Variants in CDON observed in about 807,000 individuals in gnomAD.
The protein encoded by CDON is cell adhesion molecule-related/down-regulated by oncogenes.
CDON carries 73 observed loss-of-function variants against 120.9 expected under a neutral mutation model. That is an observed-to-expected ratio of 0.60 (90% confidence interval 0.50 to 0.73). CDON has a LOEUF of 0.73. Among genes scored for constraint, CDON ranks in the 30% least tolerant of loss-of-function variants. The pLI is 0.00. For synonymous variants in CDON, 566 were observed against 573.5 expected (o/e 0.99, Z 0.19); for missense variants, 1,470 against 1,587.3 (o/e 0.93, Z 1.26).
intron 17 of CDON, among the ~76,000 whole-genome samples, chr11:125,979,936 C>T (rs1187532273): frequency 6.6e-6 from 1 of 152,100 alleles, no homozygotes; most frequent in Non-Finnish European, 1.5e-5. Flanking sequence ...AAAAGCTATT[C>T]AATTTCTAGC....
At chr11:126,007,936 T>C (rs1453384470) in intron 8 of CDON, among the ~76,000 whole-genome samples, 1 of 152,328 alleles carries the variant, frequency 6.6e-6, no homozygotes, top group East Asian at 1.9e-4. Context: ...TAGCATCTTT[T>C]AAGGTAGAAT....
chr11:125,988,188 T>C (rs892365165), intron 15 of CDON, among the ~76,000 whole-genome samples: 1 of 152,088 alleles, frequency 6.6e-6, no homozygotes, highest in African/African-American at 2.4e-5. Context: ...GAATTGTGGC[T>C]AATGAGACTG....
chr11:125,996,274 T>C (rs897704948), intron 12 of CDON, among the ~76,000 whole-genome samples: 2 of 151,472 alleles, frequency 1.3e-5, no homozygotes, highest in South Asian at 2.1e-4. Flanking sequence ...AAATAAAGAA[T>C]AGGTAAGTGG....
At chr11:126,048,076 A>G (rs1335017017) in intron 1 of CDON, among the ~76,000 whole-genome samples, 2 of 152,080 alleles carry the variant, frequency 1.3e-5, no homozygotes, top group East Asian at 3.9e-4. Flanking sequence ...CGGAAGTTCA[A>G]GACCAGCCTG....
At chr11:126,029,854 C>T (rs1193471118) in intron 1 of CDON, among the ~76,000 whole-genome samples, 1 of 152,146 alleles carries the variant, frequency 6.6e-6, no homozygotes, top group Non-Finnish European at 1.5e-5. Context: ...CCTGGTAGTA[C>T]AGTCTCTCCG....
chr11:126,015,009 G>C (rs76619396), intron 7 of CDON: 1 of 541,064 alleles, frequency 1.8e-6, no homozygotes, highest in East Asian at 3.2e-5. Flanking sequence ...TTTTAAAGTA[G>C]GCAGAATCTG....
intron 1 of CDON, among the ~76,000 whole-genome samples, chr11:126,042,883 A>G (rs1010004778): frequency 1.3e-5 from 2 of 152,170 alleles, no homozygotes; most frequent in Non-Finnish European, 1.5e-5. Context: ...TCGGCCTCCC[A>G]AAGTGCTAGG....
In CDON at chr11:126,043,931, C is replaced by T. The variant is rs141189342; in HGVS notation, c.-62+18648G>A. On this transcript the variant is annotated intron_variant, in intron 1 of 19. Coordinates refer to ENST00000531738, the MANE Select transcript of CDON (RefSeq NM_001378964.1). ...AAATTATGGTGATAATTTGATCCAG[C>T]GAAGTCCGGAACATCAACCAAAGAC... 1.9e-4 allele frequency among the ~76,000 whole-genome samples: 29 copies of T among 152,290 alleles called. No homozygotes were observed. The East Asian group carries it at 4.4e-3, about 23-fold the overall frequency.
intron 7 of CDON, among the ~76,000 whole-genome samples, chr11:126,012,714 AAC>A (rs1287344175): frequency 2.0e-5 from 3 of 152,072 alleles, no homozygotes; most frequent in Non-Finnish European, 4.4e-5. Context: ...TGGCCAAGGC[AAC>A]TGATTTTTGT....
chr11:125,981,356 ACACGCACACACACACACG>A (rs1946292393), intron 16 of CDON, 27 bp from the exon 17 acceptor site: 1 of 1,363,370 alleles, frequency 7.3e-7, no homozygotes, highest in East Asian at 2.2e-5. Context: ...AAAAAGACAC[ACACGCACACACACACACG>A]CACGCACACA....
At position 126,017,309 on chromosome 11, in the gene CDON, C is replaced by T. The variant is rs148250074; in HGVS notation, c.707G>A (p.Arg236His). 42 of 1,613,984 alleles carry T rather than the reference C, an allele frequency of 2.6e-5. 1 individual carries two copies. The African/African-American group carries it at 3.1e-4, about 12-fold the overall frequency. Residue 236 changes from arginine (R) to histidine (H), a missense_variant, in exon 6 of 20, where the codon CGT becomes CAT. Transcript: ENST00000531738. ...CACACACTCCAAGGTTACAGGGCTA[C>T]GAGAAAGAACAGCTAATGCCTGTGA... ...THSQALAVLSRSPVTLECVVS... is the reference protein window; with the variant it reads ...THSQALAVLSHSPVTLECVVS...
intron 12 of CDON, among the ~76,000 whole-genome samples, chr11:125,995,340 A>C (rs959218828): frequency 1.3e-5 from 2 of 152,228 alleles, no homozygotes; most frequent in Non-Finnish European, 2.9e-5. Context: ...GGGAAGAAGC[A>C]GGTAGAGAAT....
chr11:126,030,668 T>C (rs1240478483), intron 1 of CDON, among the ~76,000 whole-genome samples: 2 of 152,198 alleles, frequency 1.3e-5, no homozygotes, highest in East Asian at 3.8e-4. Flanking sequence ...AAAAAATTAT[T>C]TTCAGAACTA....
At chr11:125,977,991 A>G (rs1470320868) in intron 18 of CDON, among the ~76,000 whole-genome samples, 1 of 152,182 alleles carries the variant, frequency 6.6e-6, no homozygotes, top group African/African-American at 2.4e-5. Flanking sequence ...ATAAAAGGTG[A>G]GAAAAGATAA....
chr11:125,971,141 TG>T (rs1369840329), intron 18 of CDON, among the ~76,000 whole-genome samples: 4 of 152,106 alleles, frequency 2.6e-5, no homozygotes, highest in South Asian at 2.1e-4. Flanking sequence ...CCCAGTACTT[TG>T]GGGGGCCAAG....
intron 1 of CDON, among the ~76,000 whole-genome samples, chr11:126,027,768 T>C (rs1454789249): frequency 1.3e-5 from 2 of 152,294 alleles, no homozygotes; most frequent in Admixed American, 6.5e-5. Context: ...CTGGAAATAA[T>C]GACCAGCAGA....
chr11:125,963,710 C>T (rs1036371333), intron 18 of CDON, among the ~76,000 whole-genome samples: 2 of 152,186 alleles, frequency 1.3e-5, no homozygotes, highest in Non-Finnish European at 2.9e-5. Flanking sequence ...AGAGACCAGA[C>T]ACCTGGTAAG....
chr11:126,025,022 T>C (rs1591400055), intron 1 of CDON, among the ~76,000 whole-genome samples: 1 of 152,024 alleles, frequency 6.6e-6, no homozygotes, highest in African/African-American at 2.4e-5. Context: ...CTGGCCAACA[T>C]GGTGAAACCC....
At chr11:126,044,949 A>T (rs1017941497) in intron 1 of CDON, among the ~76,000 whole-genome samples, 1 of 152,238 alleles carries the variant, frequency 6.6e-6, no homozygotes, top group African/African-American at 2.4e-5. Flanking sequence ...TGATCATTAC[A>T]CACTGTTATG....
Sources: allele counts gnomAD v4.1 joint callset (sites outside exome capture counted in the v4.1 genomes callset), GRCh38; gene constraint gnomAD v4.1.1; transcripts MANE v1.5; gene names NCBI Gene and HGNC (gene_info 2026-07-23, HGNC 2026-07-21).